The following MARK2 variants were observed in gnomAD, a reference collection of about 807,000 sequenced individuals.
MARK2 encodes the protein microtubule affinity regulating kinase 2.
A neutral mutation model predicts 89.8 loss-of-function variants in MARK2; 16 were observed. The observed-to-expected ratio is 0.18, with a 90% CI of 0.12 to 0.27. The LOEUF (loss-of-function observed/expected upper bound fraction) is 0.27, where lower values mean the gene tolerates loss of function less well. Ranked by LOEUF, MARK2 falls within the 10% of genes least tolerant of loss-of-function variation. The pLI is 1.00. For synonymous variants in MARK2, 382 were observed against 399.5 expected (o/e 0.96, Z 0.52); for missense variants, 621 against 1,049.9 (o/e 0.59, Z 5.65).
intron 1 of MARK2, among the ~76,000 whole-genome samples, chr11:63,872,693 C>G (rs1010899851): frequency 1.3e-5 from 2 of 152,160 alleles, no homozygotes; most frequent in Non-Finnish European, 2.9e-5. Flanking sequence ...TTGGTTTCCC[C>G]TCCTTTTCCC....
chr11:63,878,170 C>T (rs1413285625), intron 1 of MARK2, among the ~76,000 whole-genome samples: 3 of 152,104 alleles, frequency 2.0e-5, no homozygotes, highest in Non-Finnish European at 4.4e-5. Flanking sequence ...GTCTTTTCTC[C>T]TCTAGCTGGA....
chr11:63,855,065 A>AT (rs1204987958), intron 1 of MARK2, among the ~76,000 whole-genome samples: 2 of 152,224 alleles, frequency 1.3e-5, no homozygotes, highest in Non-Finnish European at 2.9e-5. Context: ...GAAAATTAGA[A>AT]TTTTGGAAAA....
intron 1 of MARK2, among the ~76,000 whole-genome samples, chr11:63,846,181 C>T (rs2016266475): frequency 6.6e-6 from 1 of 151,988 alleles, no homozygotes; most frequent in African/African-American, 2.4e-5. Context: ...TATAAATAGG[C>T]TAGATCCCTT....
rs887702765 is a variant in MARK2, at chr11:63,864,339, G to A, written c.54+24779G>A. Among the ~76,000 whole-genome samples the A allele has an allele frequency of 1.1e-4, 17 of 152,090 alleles. No homozygotes were observed. The East Asian group carries it at 2.1e-3, about 19-fold the overall frequency. ...TTGATCTCGGCTCACCGCAACCTCCGCCTCCCAGGTTCAAGCGATTCTCCT... is the reference window on the plus strand; with the variant it reads ...TTGATCTCGGCTCACCGCAACCTCCACCTCCCAGGTTCAAGCGATTCTCCT... On this transcript the variant is annotated intron_variant, in intron 1 of 18. Coordinates refer to ENST00000402010, the MANE Select transcript of MARK2 (RefSeq NM_001039469.3).
Position 63,903,211 on chromosome 11 carries a change from G to A in MARK2, c.1514+53G>A. On this transcript the variant is annotated intron_variant, in intron 14 of 18. Coordinates refer to ENST00000402010, the MANE Select transcript of MARK2 (RefSeq NM_001039469.3). This position sits in a 1 kb window ranked among gnomAD's most constrained non-coding sequence, Gnocchi z 5.1. Reference sequence around the variant, plus strand: ...ACTCCCTAGGAGCCATGTCTCACAGGGTGATGTCTGTCAGCAGCACCGTCT... The same window carrying A: ...ACTCCCTAGGAGCCATGTCTCACAGAGTGATGTCTGTCAGCAGCACCGTCT... The A allele has an allele frequency of 7.4e-7, 1 of 1,350,988 alleles. No individual in the cohort carries two copies. The highest frequency in any genetic ancestry group is 1.2e-5 in the South Asian group (1 of 85,860). The allele number at this position is 1,350,988 out of a possible 1,614,324, so 83.7% of individuals were successfully genotyped here.
intron 1 of MARK2, among the ~76,000 whole-genome samples, chr11:63,894,051 C>T (rs575970226): frequency 2.8e-4 from 43 of 152,346 alleles, no homozygotes; most frequent in Non-Finnish European, 4.4e-4. Flanking sequence ...GTTGTAGCTT[C>T]TGCTTCCTCA....
chr11:63,881,601 T>C (rs1939095951), intron 1 of MARK2, among the ~76,000 whole-genome samples: 1 of 152,100 alleles, frequency 6.6e-6, no homozygotes, highest in Non-Finnish European at 1.5e-5. Flanking sequence ...AGGGAGATAC[T>C]GGCTCTCATC....
intron 1 of MARK2, among the ~76,000 whole-genome samples, chr11:63,864,403 C>T (rs954034214): frequency 3.3e-5 from 5 of 152,132 alleles, no homozygotes; most frequent in Non-Finnish European, 7.4e-5. Flanking sequence ...CAGGCATGCA[C>T]CACCACCGGC....
chr11:63,855,753 A>G (rs938937841), intron 1 of MARK2, among the ~76,000 whole-genome samples: 3 of 152,208 alleles, frequency 2.0e-5, no homozygotes, highest in African/African-American at 7.2e-5. Flanking sequence ...TTCAACCAAA[A>G]CAACTTATGA....
In MARK2 at chr11:63,902,377, G is replaced by C; in HGVS notation, c.1234+47G>C. ...AGGTGGGGACTCACCCCTCTCCAGA[G>C]AGGTTACAGGTTCTGTGGGGACTTG... is the stretch of plus-strand genomic sequence containing the variant. On this transcript the variant is annotated intron_variant, in intron 12 of 18. Coordinates refer to ENST00000402010, the MANE Select transcript of MARK2 (RefSeq NM_001039469.3). The surrounding 1 kb of genome is among the most constrained non-coding windows in gnomAD (Gnocchi z 4.2). The C allele has an allele frequency of 6.2e-7, 1 of 1,610,834 alleles. No homozygotes were observed. The highest frequency in any genetic ancestry group is 8.5e-7 in the Non-Finnish European group (1 of 1,177,944).
At chr11:63,899,255 T>G in intron 7 of MARK2, 147 bp downstream of exon 7, 1 of 639,158 alleles carries the variant, frequency 1.6e-6, no homozygotes, top group South Asian at 1.9e-5. Context: ...CTTTCTTTTT[T>G]TTTTTTTGAG....
chr11:63,891,227 T>G (rs1939831598), intron 1 of MARK2, among the ~76,000 whole-genome samples: 1 of 152,132 alleles, frequency 6.6e-6, no homozygotes. Flanking sequence ...GTGCTGCCTG[T>G]AAAGGCATGA....
rs145384856 is a variant in MARK2 at position 63,899,809 on chromosome 11, C to T, written c.532-65C>T. The T allele has an allele frequency of 7.6e-4, 799 of 1,055,668 alleles. 11 individuals carry two copies. In the Admixed American group the frequency reaches 0.013, roughly 17 times the overall value. The allele number at this position is 1,055,668 out of a possible 1,614,324, so 65.4% of individuals were successfully genotyped here. ...GTTTGTTCTCCCATTCCCCTCAGCT[C>T]CTTCCTGCCCAGGGCCTTAGTCTGG... On this transcript the variant is annotated intron_variant, in intron 7 of 18. Transcript: ENST00000402010.
intron 1 of MARK2, among the ~76,000 whole-genome samples, chr11:63,845,568 G>A (rs1434106188): frequency 6.6e-6 from 1 of 152,176 alleles, no homozygotes; most frequent in Non-Finnish European, 1.5e-5. Context: ...GCAAAGGGAA[G>A]AGTAAGCCTT....
chr11:63,895,095 T>C (rs1940258995), intron 1 of MARK2, 64 bp from the exon 2 acceptor site: 4 of 1,414,824 alleles, frequency 2.8e-6, no homozygotes, highest in Non-Finnish European at 9.8e-7. Context: ...TTATATATTT[T>C]GCAGAGAGCG....
chr11:63,868,771 C>A (rs1292273815), intron 1 of MARK2: 1 of 456,018 alleles, frequency 2.2e-6, no homozygotes, highest in Admixed American at 2.3e-5. Flanking sequence ...GGCAGAGGAA[C>A]ACTAGTGTTG....
chr11:63,845,972 C>T (rs1418743666), intron 1 of MARK2, among the ~76,000 whole-genome samples: 1 of 151,736 alleles, frequency 6.6e-6, no homozygotes, highest in Non-Finnish European at 1.5e-5. Flanking sequence ...ATCCGCCTGC[C>T]GTGGCCTCTC....
chr11:63,895,543 A>G (rs1012874463), intron 2 of MARK2, 37 bp from the exon 3 acceptor site: 2 of 1,599,644 alleles, frequency 1.3e-6, no homozygotes. Flanking sequence ...TTCGCTGGTC[A>G]GAGAAGTGAT....
At chr11:63,860,804 G>A (rs912135351) in intron 1 of MARK2, among the ~76,000 whole-genome samples, 8 of 151,820 alleles carry the variant, frequency 5.3e-5, no homozygotes, top group Admixed American at 5.2e-4. Flanking sequence ...GTTGCAGTGA[G>A]CATAGATCAC....
Sources: gnomAD v4.1 joint callset for allele counts (sites outside exome capture counted in the v4.1 genomes callset) on GRCh38, gnomAD v4.1.1 for gene constraint, Gnocchi (gnomAD v3.1) non-coding constraint, MANE v1.5 for transcripts, NCBI Gene and HGNC (gene_info 2026-07-23, HGNC 2026-07-21) for gene names.